The following TNKS variants were observed in gnomAD, a reference collection of about 807,000 sequenced individuals.
The protein encoded by TNKS is tankyrase, also known as poly [ADP-ribose] polymerase tankyrase-1.
TNKS carries 72 observed loss-of-function variants against 135.8 expected under a neutral mutation model. The ratio of observed to expected loss-of-function variants is 0.53; its 90% CI spans 0.44 to 0.64. TNKS has a LOEUF of 0.64. TNKS is among the 30% of genes least tolerant of loss of function. The pLI, the probability that TNKS is intolerant of heterozygous loss-of-function variation, is 0.00. For synonymous variants in TNKS, 849 were observed against 649.3 expected, an observed-to-expected ratio of 1.31 and a Z score of -4.68; for missense variants, 1,769 against 1,674.0, an observed-to-expected ratio of 1.06 and a Z score of -0.99.
chr8:9,667,560 A>T (rs1464361045), intron 3 of TNKS, among the ~76,000 whole-genome samples: 2 of 152,304 alleles, frequency 1.3e-5, no homozygotes, highest in East Asian at 3.9e-4. Context: ...TTTTTGAATG[A>T]TGTCAGAACT....
Position 9,578,781 on chromosome 8 carries a change from T to A in TNKS, c.674-1378T>A, listed in dbSNP as rs138126437. On this transcript the variant is annotated intron_variant, in intron 1 of 26. Transcript: ENST00000310430. Reference sequence around the variant, plus strand: ...CAGTATTACACAATAATAGTAGAGGTAGTGATACCTAGTTAATAAGACCTA... The same window carrying A: ...CAGTATTACACAATAATAGTAGAGGAAGTGATACCTAGTTAATAAGACCTA... 3.9e-3 allele frequency among the ~76,000 whole-genome samples: 596 copies of A among 152,298 alleles called. 5 individuals are homozygous for A. Among genetic ancestry groups the A allele is most frequent in the African/African-American group, 0.013 (554 of 41,558 alleles).
At chr8:9,746,872 CTACT>C (rs1365730100) in intron 17 of TNKS, among the ~76,000 whole-genome samples, 1 of 136,046 alleles carries the variant, frequency 7.4e-6, no homozygotes, top group African/African-American at 3.1e-5. Flanking sequence ...AGTTTCATAC[CTACT>C]TAAACTTTTT....
chr8:9,747,905 G>C, intron 17 of TNKS, 119 bp from the exon 18 acceptor site: 2 of 980,102 alleles, frequency 2.0e-6, no homozygotes, highest in Non-Finnish European at 2.9e-6. Flanking sequence ...AGAAACTTCT[G>C]TTAAGGATGA....
intron 3 of TNKS, among the ~76,000 whole-genome samples, chr8:9,658,778 A>G (rs369695171): frequency 2.0e-5 from 3 of 152,240 alleles, no homozygotes; most frequent in Admixed American, 6.5e-5. Flanking sequence ...CAATTAAAAG[A>G]CACAGACTGG....
intron 1 of TNKS, among the ~76,000 whole-genome samples, chr8:9,564,500 G>A (rs1483319096): frequency 6.6e-6 from 1 of 152,232 alleles, no homozygotes; most frequent in Admixed American, 6.5e-5. Flanking sequence ...TGAGCTCTGT[G>A]ATGACATGAG....
chr8:9,677,829 T>C (rs1802609202), intron 3 of TNKS, among the ~76,000 whole-genome samples: 2 of 152,162 alleles, frequency 1.3e-5, no homozygotes, highest in African/African-American at 4.8e-5. Context: ...GAGTGTCCTT[T>C]GCTTCAGATA....
chr8:9,762,776 G>A lies in TNKS; in HGVS notation c.3275-371G>A, dbSNP rs189496534. Among the ~76,000 whole-genome samples the A allele has an allele frequency of 4.3e-3, 659 of 151,798 alleles. 2 individuals carry two copies. The highest frequency in any genetic ancestry group is 6.3e-3 in the Non-Finnish European group (429 of 67,926). On this transcript the variant is annotated intron_variant, in intron 21 of 26. Transcript: ENST00000310430. ...GAAAATTAGCTGGGTGTGGTGGTGG[G>A]CGCCTGTAATCCCAGCTACTAGGGA...
chr8:9,699,002 ATTTAC>A (rs1803664665), intron 5 of TNKS, among the ~76,000 whole-genome samples: 1 of 152,140 alleles, frequency 6.6e-6, no homozygotes, highest in Non-Finnish European at 1.5e-5. Context: ...CTGTTCCATA[ATTTAC>A]TTTACATGTT....
chr8:9,708,061 A>G (rs974713936), intron 8 of TNKS, among the ~76,000 whole-genome samples: 5 of 152,160 alleles, frequency 3.3e-5, no homozygotes, highest in Admixed American at 2.0e-4. Flanking sequence ...TGTGCACACA[A>G]ATTATTTAAC....
intron 3 of TNKS, among the ~76,000 whole-genome samples, chr8:9,655,625 A>G (rs1295090065): frequency 6.6e-6 from 1 of 152,226 alleles, no homozygotes; most frequent in Non-Finnish European, 1.5e-5. Flanking sequence ...TGATACCCAG[A>G]CAAACAGGGT....
chr8:9,629,725 C>T (rs1199213205), intron 3 of TNKS, among the ~76,000 whole-genome samples: 1 of 152,234 alleles, frequency 6.6e-6, no homozygotes, highest in Non-Finnish European at 1.5e-5. Context: ...CTCTGTCGCC[C>T]AGGCTGGAGT....
intron 5 of TNKS, among the ~76,000 whole-genome samples, chr8:9,689,505 G>T (rs923347940): frequency 2.4e-4 from 37 of 151,856 alleles, no homozygotes; most frequent in Non-Finnish European, 4.4e-4. Context: ...TAAAAAAAAT[G>T]CTTTAATTTG....
chr8:9,668,155 T>C (rs1267516530), intron 3 of TNKS, among the ~76,000 whole-genome samples: 3 of 152,240 alleles, frequency 2.0e-5, no homozygotes, highest in African/African-American at 7.2e-5. Flanking sequence ...GAATCATTTC[T>C]AAGAAATAAC....
At chr8:9,734,839 C>T (rs768553124) in intron 15 of TNKS, 26 bp from the exon 16 acceptor site, 3 of 1,590,768 alleles carry the variant, frequency 1.9e-6, no homozygotes, top group Non-Finnish European at 1.7e-6. Context: ...AAAATACAAA[C>T]CCCATTTGGT....
intron 25 of TNKS, among the ~76,000 whole-genome samples, chr8:9,768,895 T>G (rs1807626060): frequency 6.6e-6 from 1 of 152,194 alleles, no homozygotes. Context: ...AAGACCCAGT[T>G]GTCCTGGATC....
intron 2 of TNKS, among the ~76,000 whole-genome samples, chr8:9,603,527 C>T (rs1440961845): frequency 2.0e-5 from 3 of 152,316 alleles, no homozygotes; most frequent in East Asian, 1.9e-4. Context: ...GCTAAGACCA[C>T]ACAACCATTA....
intron 1 of TNKS, among the ~76,000 whole-genome samples, chr8:9,568,477 G>A (rs1288247576): frequency 6.6e-6 from 1 of 151,964 alleles, no homozygotes; most frequent in African/African-American, 2.4e-5. Context: ...CTTACCGTAT[G>A]AAAAATTTAA....
chr8:9,601,347 C>T (rs550484575), intron 2 of TNKS, among the ~76,000 whole-genome samples: 16 of 152,272 alleles, frequency 1.1e-4, no homozygotes, highest in African/African-American at 3.6e-4. Context: ...TGTATTATTG[C>T]AGTAGCTACT....
At chr8:9,710,798 A>C (rs1406487515) in intron 11 of TNKS, among the ~76,000 whole-genome samples, 1 of 152,144 alleles carries the variant, frequency 6.6e-6, no homozygotes, top group Non-Finnish European at 1.5e-5. Flanking sequence ...CAGGAGGCTG[A>C]GGCAGGAGAA....
Sources: gnomAD v4.1 joint callset for allele counts (sites outside exome capture counted in the v4.1 genomes callset) on GRCh38, gnomAD v4.1.1 for gene constraint, MANE v1.5 for transcripts, NCBI Gene and HGNC (gene_info 2026-07-23, HGNC 2026-07-21) for gene names.